The following TMEM120B variants were observed in gnomAD, a reference collection of about 807,000 sequenced individuals.
TMEM120B encodes transmembrane protein 120B.
TMEM120B carries 31 observed loss-of-function variants against 55.5 expected under a neutral mutation model. The ratio of observed to expected loss-of-function variants is 0.56; its 90% CI spans 0.42 to 0.75. The LOEUF (loss-of-function observed/expected upper bound fraction) is 0.75, where lower values mean the gene tolerates loss of function less well. Ranked by LOEUF, TMEM120B falls within the 30% of genes least tolerant of loss-of-function variation. The probability of loss-of-function intolerance (pLI) is 0.00; values close to 1 mark genes in which losing one functional copy is unlikely to be tolerated. For missense variants in TMEM120B, 399 were observed against 425.5 expected, an observed-to-expected ratio of 0.94 and a Z score of 0.55; for synonymous variants, 203 against 176.3, an observed-to-expected ratio of 1.15 and a Z score of -1.20.
At chr12:121,737,262 T>C (rs1304967921) in intron 1 of TMEM120B, among the ~76,000 whole-genome samples, 2 of 152,100 alleles carry the variant, frequency 1.3e-5, no homozygotes, top group Non-Finnish European at 2.9e-5. Context: ...ACCCAGACTT[T>C]GGGAGGCCGA....
chr12:121,750,291 G>T (rs1873234475), intron 3 of TMEM120B, 89 bp from the exon 4 acceptor site: 2 of 1,237,172 alleles, frequency 1.6e-6, no homozygotes, highest in African/African-American at 1.5e-5. Flanking sequence ...CAGTGCTTGG[G>T]ATGTGCTCAT....
At chr12:121,750,335 ACCCACCTG>A in intron 3 of TMEM120B, 37 bp from the exon 4 acceptor site, 1 of 1,576,016 alleles carries the variant, frequency 6.3e-7, no homozygotes. Context: ...GTTGATTCGC[ACCCACCTG>A]CTAAGGATCA....
chr12:121,764,012 C>T (rs1873765853), intron 6 of TMEM120B, among the ~76,000 whole-genome samples: 1 of 152,118 alleles, frequency 6.6e-6, no homozygotes, highest in South Asian at 2.1e-4. Context: ...TGTAGCTGCA[C>T]ACAGCCATTT....
intron 1 of TMEM120B, among the ~76,000 whole-genome samples, chr12:121,739,619 C>T (rs903698731): frequency 6.6e-6 from 1 of 151,840 alleles, no homozygotes; most frequent in Non-Finnish European, 1.5e-5. Context: ...ACTACAGGCG[C>T]CCGCCACCAC....
chr12:121,715,936 T>A (rs774895013), intron 1 of TMEM120B, among the ~76,000 whole-genome samples: 6 of 151,226 alleles, frequency 4.0e-5, no homozygotes, highest in Non-Finnish European at 8.8e-5. Flanking sequence ...TGCAAGGCTC[T>A]GGGACTCTGT....
Position 121,758,654 on chromosome 12 carries a change from G to T in TMEM120B, c.462-2995G>T, listed in dbSNP as rs555115319. 4.1e-6 allele frequency: 4 copies of T among 967,724 alleles called. No individual in the cohort carries two copies. In the East Asian group the frequency reaches 3.5e-4, roughly 84 times the overall value. The allele number at this position is 967,724 out of a possible 1,614,324, so 59.9% of individuals were successfully genotyped here. A position where few individuals can be genotyped will look rare whatever the true frequency, so the allele number is the denominator to read the frequency against. ...ATGGAGGAGGACGGCCCAGCCCCGCGCTGTGGTCACCATGGAGGAGGATGG... is the reference window on the plus strand; with the variant it reads ...ATGGAGGAGGACGGCCCAGCCCCGCTCTGTGGTCACCATGGAGGAGGATGG... On this transcript the variant is annotated intron_variant, in intron 5 of 11. Coordinates refer to ENST00000449592, the MANE Select transcript of TMEM120B (RefSeq NM_001080825.2).
chr12:121,781,097 TGTC>T lies in TMEM120B; in HGVS notation c.*5378_*5380del, dbSNP rs1874438110. On this transcript the variant is annotated 3_prime_UTR_variant, in exon 12 of 12. Coordinates refer to ENST00000449592, the MANE Select transcript of TMEM120B (RefSeq NM_001080825.2). ...GCCGGCCTCACCTTGATGAGGACGT[TGTC>T]GTAGCTGGTGGGATTCATGACGTCA... 2.5e-6 allele frequency: 4 copies of T among 1,614,170 alleles called. No homozygotes were observed. The highest frequency in any genetic ancestry group is 3.4e-6 in the Non-Finnish European group (4 of 1,180,022).
intron 5 of TMEM120B, among the ~76,000 whole-genome samples, chr12:121,752,827 G>A (rs148480265): frequency 3.8e-3 from 572 of 152,092 alleles, no homozygotes; most frequent in Non-Finnish European, 6.7e-3. Context: ...AAAGTTGGGC[G>A]TGGTGGCTCA....
chr12:121,765,823 A>C (rs1240012886), intron 6 of TMEM120B, among the ~76,000 whole-genome samples: 2 of 152,028 alleles, frequency 1.3e-5, no homozygotes, highest in Non-Finnish European at 2.9e-5. Context: ...GGGGGCAGGC[A>C]AGGGAGATGC....
At chr12:121,754,963 G>C (rs1006052288) in intron 5 of TMEM120B, among the ~76,000 whole-genome samples, 16 of 152,154 alleles carry the variant, frequency 1.1e-4, no homozygotes, top group Non-Finnish European at 2.2e-4. Flanking sequence ...GATACAGTGA[G>C]CGTGACAGGA....
rs1874356641 is a variant in TMEM120B, at chr12:121,779,397, A to G, written c.*3675A>G. The G allele has an allele frequency of 1.6e-5, 20 of 1,288,014 alleles. No homozygotes were observed. In the South Asian group the frequency reaches 2.6e-4, roughly 17 times the overall value. The allele number at this position is 1,288,014 out of a possible 1,614,324, so 79.8% of individuals were successfully genotyped here. ...AAGAGTCTAGCCGCAGGCCCCAGAC[A>G]CCATGAGCTGGAGGGTCGGGATGGG... On this transcript the variant is annotated 3_prime_UTR_variant, in exon 12 of 12. Transcript: ENST00000449592.
At chr12:121,770,038 C>T (rs957081721) in intron 6 of TMEM120B, among the ~76,000 whole-genome samples, 10 of 152,068 alleles carry the variant, frequency 6.6e-5, no homozygotes, top group South Asian at 2.1e-4. Context: ...GAGCCAGGCA[C>T]GTCAAGGTCT....
chr12:121,747,058 G>A (rs536786861), intron 2 of TMEM120B, among the ~76,000 whole-genome samples: 4 of 152,316 alleles, frequency 2.6e-5, no homozygotes, highest in African/African-American at 9.6e-5. Context: ...GATGCTCTAT[G>A]CTGTACTTAC....
chr12:121,771,430 G>C, intron 7 of TMEM120B, 58 bp from the exon 8 acceptor site: 1 of 1,446,338 alleles, frequency 6.9e-7, no homozygotes, highest in Non-Finnish European at 9.7e-7. Context: ...TTGGGGCGGG[G>C]AGGAATGTCT....
intron 1 of TMEM120B, among the ~76,000 whole-genome samples, chr12:121,727,859 G>A (rs1894925269): frequency 7.5e-6 from 1 of 132,600 alleles, no homozygotes; most frequent in Admixed American, 8.3e-5. Context: ...GGGCGACAGA[G>A]CGACACTCCA....
intron 1 of TMEM120B, among the ~76,000 whole-genome samples, chr12:121,740,073 C>A (rs1034143765): frequency 4.6e-5 from 7 of 152,094 alleles, no homozygotes; most frequent in African/African-American, 1.7e-4. Flanking sequence ...GCCAACGCGC[C>A]CGGCGACTCC....
rs115405871 is a variant in TMEM120B at position 121,741,620 on chromosome 12, C to T, written c.70-2009C>T. Among the ~76,000 whole-genome samples, 832 of 151,852 alleles carry T rather than the reference C, an allele frequency of 5.5e-3. 9 individuals are homozygous for T. The highest frequency in any genetic ancestry group is 0.019 in the African/African-American group (773 of 41,426). The stretch of plus-strand genomic sequence containing the variant: ...CTGGGATTACAGGCATGAGCCACTG[C>T]GCCTGAAATTATTATTATTATTATT... On this transcript the variant is annotated intron_variant, in intron 1 of 11. Transcript: ENST00000449592.
chr12:121,713,193 A>G (rs1421850581), intron 1 of TMEM120B, among the ~76,000 whole-genome samples: 2 of 151,922 alleles, frequency 1.3e-5, no homozygotes, highest in Non-Finnish European at 2.9e-5. Context: ...CCGCCCTCCC[A>G]CTGGCTCTCT....
chr12:121,757,370 C>G (rs1873510168), intron 5 of TMEM120B, among the ~76,000 whole-genome samples: 2 of 151,952 alleles, frequency 1.3e-5, no homozygotes, highest in Non-Finnish European at 2.9e-5. Context: ...GAGACAGAGT[C>G]TCACTCTGTC....
Sources: allele counts gnomAD v4.1 joint callset (sites outside exome capture counted in the v4.1 genomes callset), GRCh38; gene constraint gnomAD v4.1.1; transcripts MANE v1.5; gene names NCBI Gene and HGNC (gene_info 2026-07-23, HGNC 2026-07-21).